Variants in DENND2A observed in about 807,000 individuals in gnomAD.
DENND2A encodes DENN domain-containing protein 2A.
In DENND2A, 53 loss-of-function variants were observed where a neutral mutation model predicts 105.3. The observed-to-expected ratio is 0.50, with a 90% CI of 0.40 to 0.63. The LOEUF (loss-of-function observed/expected upper bound fraction) is 0.63. Ranked by LOEUF, DENND2A falls within the 30% of genes least tolerant of loss-of-function variation. DENND2A has a pLI of 0.00. For missense variants in DENND2A, 1,138 were observed against 1,279.6 expected (o/e 0.89, Z 1.69); for synonymous variants, 522 against 508.4 (o/e 1.03, Z -0.36).
Position 140,600,846 on chromosome 7 carries a change from G to A in DENND2A, c.995+557C>T, listed in dbSNP as rs116147619. Among the ~76,000 whole-genome samples the A allele has an allele frequency of 6.0e-3, 916 of 152,252 alleles. 6 individuals carry two copies. Among genetic ancestry groups the A allele is most frequent in the African/African-American group, 0.02 (850 of 41,566 alleles). ...GTTGCAAAATAGAAAAATTGTTTTC[G>A]AAGCACAGATTTTATTTTTAAGCAT... On this transcript the variant is annotated intron_variant, in intron 3 of 19. Coordinates refer to ENST00000496613, the MANE Select transcript of DENND2A (RefSeq NM_015689.5).
intron 11 of DENND2A, among the ~76,000 whole-genome samples, chr7:140,557,531 A>ATATATATATATATATATATT (rs1554467351): frequency 2.5e-5 from 1 of 39,648 alleles, no homozygotes; most frequent in Non-Finnish European, 5.1e-5. Flanking sequence ...ATATATATAT[A>ATATATATATATATATATATT]TTTTTTTTTT....
intron 1 of DENND2A, among the ~76,000 whole-genome samples, chr7:140,630,533 C>T (rs269263): frequency 0.5 from 75,474 of 151,880 alleles, 20,397 homozygotes; most frequent in African/African-American, 0.72. Context: ...AACAGTATGG[C>T]GTCTACACTG....
chr7:140,544,563 G>A (rs998392142), intron 14 of DENND2A, 55 bp downstream of exon 14: 7 of 1,611,398 alleles, frequency 4.3e-6, no homozygotes, highest in Non-Finnish European at 5.9e-6. Context: ...CAGACTAGAG[G>A]GTCCAAGAGC....
chr7:140,555,227 G>A (rs1162321440), intron 12 of DENND2A, among the ~76,000 whole-genome samples: 1 of 151,452 alleles, frequency 6.6e-6, no homozygotes, highest in Admixed American at 6.6e-5. Context: ...TCCGCCTCCC[G>A]GGTTCAAGTG....
intron 1 of DENND2A, among the ~76,000 whole-genome samples, chr7:140,621,872 G>A (rs1476117736): frequency 6.6e-6 from 1 of 152,148 alleles, no homozygotes; most frequent in Non-Finnish European, 1.5e-5. Context: ...GTACGTGGCT[G>A]GAAGGCACAG....
At chr7:140,540,098 C>T (rs1431086549) in intron 14 of DENND2A, among the ~76,000 whole-genome samples, 1 of 152,204 alleles carries the variant, frequency 6.6e-6, no homozygotes, top group Non-Finnish European at 1.5e-5. Context: ...GGATGTGTAC[C>T]TCTGAAAGCT....
At position 140,533,150 on chromosome 7, in the gene DENND2A, C is replaced by T. The variant is rs1796326985; in HGVS notation, c.2328-5655G>A. Among the ~76,000 whole-genome samples the T allele has an allele frequency of 2.0e-5, 3 of 152,030 alleles. No homozygotes were observed. In the South Asian group the frequency reaches 6.2e-4, roughly 31 times the overall value. ...GGGACTACAGGTGTGCACCACCATGCCTGGCTAATTTTTTGTATTTTTGGT... is the reference window on the plus strand; with the variant it reads ...GGGACTACAGGTGTGCACCACCATGTCTGGCTAATTTTTTGTATTTTTGGT... On this transcript the variant is annotated intron_variant, in intron 14 of 19. Coordinates refer to ENST00000496613, the MANE Select transcript of DENND2A (RefSeq NM_015689.5).
chr7:140,567,370 G>T (rs911801631), intron 8 of DENND2A, 97 bp from the exon 9 acceptor site: 1 of 1,097,760 alleles, frequency 9.1e-7, no homozygotes, highest in Non-Finnish European at 1.3e-6. Context: ...AGCCTGAAAT[G>T]ACCATGAGTC....
At chr7:140,568,181 C>A (rs914366316) in intron 8 of DENND2A, among the ~76,000 whole-genome samples, 1 of 152,112 alleles carries the variant, frequency 6.6e-6, no homozygotes, top group Non-Finnish European at 1.5e-5. Context: ...ACCTTGTGAT[C>A]CACCCGCCTC....
chr7:140,585,319 G>C (rs1188910376), intron 5 of DENND2A, among the ~76,000 whole-genome samples: 1 of 152,216 alleles, frequency 6.6e-6, no homozygotes, highest in Non-Finnish European at 1.5e-5. Context: ...CTTAACAGTT[G>C]TATGGGACGG....
At chr7:140,566,909 C>T (rs1299859482) in intron 9 of DENND2A, among the ~76,000 whole-genome samples, 177 bp downstream of exon 9, 1 of 151,964 alleles carries the variant, frequency 6.6e-6, no homozygotes, top group East Asian at 1.9e-4. Flanking sequence ...TCTGGGACCT[C>T]CCAAATTCTC....
intron 5 of DENND2A, among the ~76,000 whole-genome samples, chr7:140,581,126 A>C (rs1585682438): frequency 6.6e-6 from 1 of 152,026 alleles, no homozygotes; most frequent in Non-Finnish European, 1.5e-5. Flanking sequence ...ATTAGCCGGC[A>C]CAGTGGCCTG....
In DENND2A at chr7:140,602,191, G is replaced by T; in HGVS notation, c.207C>A (p.Asp69Glu). Residue 69 changes from aspartate (D) to glutamate (E), a missense_variant, in exon 3 of 20, where the codon GAC becomes GAA. By Grantham distance (45) the Asp-to-Glu change is conservative (BLOSUM62 2). This residue lies in a region of DENND2A where 511 missense variants were observed against 499.9 expected (regional missense o/e 1.02). Transcript: ENST00000496613. ...AGGACGGCAGATAATCCTCCTGTCC[G>T]TCTGCTCTCCTGCTGGGTGCAGGAG... is the stretch of plus-strand genomic sequence containing the variant. Reference protein sequence around the residue: ...VPTPAPSRRADGQEDYLPSST... With the variant: ...VPTPAPSRRAEGQEDYLPSST... 1 of 1,614,048 alleles carries T rather than the reference G, an allele frequency of 6.2e-7. No individual in the cohort carries two copies. Among genetic ancestry groups the T allele is most frequent in the Non-Finnish European group, 8.5e-7 (1 of 1,180,034 alleles).
At chr7:140,539,973 G>A (rs1008078721) in intron 14 of DENND2A, among the ~76,000 whole-genome samples, 3 of 152,222 alleles carry the variant, frequency 2.0e-5, no homozygotes, top group Non-Finnish European at 2.9e-5. Context: ...GCGGAGTCCC[G>A]GAAAGTCAGA....
At chr7:140,595,365 TC>T (rs1222829284) in intron 3 of DENND2A, among the ~76,000 whole-genome samples, 1 of 151,988 alleles carries the variant, frequency 6.6e-6, no homozygotes, top group East Asian at 1.9e-4. Flanking sequence ...TTATAATTTA[TC>T]CCTACTTCAA....
chr7:140,542,504 C>G (rs6955257), intron 14 of DENND2A, among the ~76,000 whole-genome samples: 4,954 of 151,928 alleles, frequency 0.033, 251 homozygotes, highest in African/African-American at 0.11. Flanking sequence ...ATCTCTCCCT[C>G]CCCCATCTTC....
chr7:140,572,646 C>T (rs1214677868), intron 6 of DENND2A, among the ~76,000 whole-genome samples: 5 of 148,724 alleles, frequency 3.4e-5, no homozygotes, highest in Admixed American at 6.8e-5. Flanking sequence ...CCCAGCTACT[C>T]GGGAGGCTGA....
In DENND2A at chr7:140,543,994, C is replaced by T. The variant is rs187119734; in HGVS notation, c.2327+624G>A. The T allele has an allele frequency of 5.9e-3, 948 of 161,174 alleles. 7 individuals carry two copies. Among genetic ancestry groups the T allele is most frequent in the African/African-American group, 0.021 (876 of 41,670 alleles). The allele number at this position is 161,174 out of a possible 1,614,324, so 10.0% of individuals were successfully genotyped here. A position where few individuals can be genotyped will look rare whatever the true frequency, so the allele number is the denominator to read the frequency against. On this transcript the variant is annotated intron_variant, in intron 14 of 19. Coordinates refer to ENST00000496613, the MANE Select transcript of DENND2A (RefSeq NM_015689.5). ...GCAGCCTCTGCCTCCTGGGTTCAAG[C>T]GATTCTTGTACCTCAGCCTCTCAAG... is the stretch of plus-strand genomic sequence containing the variant.
intron 3 of DENND2A, among the ~76,000 whole-genome samples, chr7:140,588,078 T>C (rs1798861805): frequency 6.6e-6 from 1 of 152,074 alleles, no homozygotes; most frequent in Non-Finnish European, 1.5e-5. Context: ...GCCTGGCTAG[T>C]TTTTGTATTT....
Sources: allele counts gnomAD v4.1 joint callset (sites outside exome capture counted in the v4.1 genomes callset), GRCh38; gene constraint gnomAD v4.1.1; regional missense constraint gnomAD v4.1.1; transcripts MANE v1.5; gene names NCBI Gene and HGNC (gene_info 2026-07-23, HGNC 2026-07-21).